The following GABRB3 variants were observed in gnomAD, a reference collection of about 807,000 sequenced individuals.
The protein encoded by GABRB3 is gamma-aminobutyric acid receptor subunit beta-3.
In GABRB3, 14 loss-of-function variants were observed where a neutral mutation model predicts 52.1. The observed-to-expected ratio is 0.27, with a 90% CI of 0.18 to 0.42. GABRB3 has a LOEUF of 0.42. Ranked by LOEUF, GABRB3 falls within the 10% of genes least tolerant of loss-of-function variation. GABRB3 has a pLI of 1.00. For synonymous variants in GABRB3, 260 were observed against 232.3 expected (o/e 1.12, Z -1.08); for missense variants, 307 against 609.1 (o/e 0.50, Z 5.22).
chr15:26,627,515 A>G (rs941995726), intron 3 of GABRB3, among the ~76,000 whole-genome samples: 1 of 151,778 alleles, frequency 6.6e-6, no homozygotes, highest in South Asian at 2.1e-4. Flanking sequence ...CATGATTTAT[A>G]GGAGGAGGTC....
At chr15:26,552,191 G>A (rs1416764618) in intron 8 of GABRB3, among the ~76,000 whole-genome samples, 2 of 151,932 alleles carry the variant, frequency 1.3e-5, no homozygotes, top group African/African-American at 4.8e-5. Context: ...ATTTTTAGTA[G>A]AGATGGGGTT....
chr15:26,695,283 C>T (rs552642407), intron 3 of GABRB3, among the ~76,000 whole-genome samples: 2 of 152,010 alleles, frequency 1.3e-5, no homozygotes, highest in Non-Finnish European at 2.9e-5. Context: ...GGAAAAAACA[C>T]GTTGTCTATA....
intron 3 of GABRB3, among the ~76,000 whole-genome samples, chr15:26,710,157 A>G (rs1889247494): frequency 6.6e-6 from 1 of 152,162 alleles, no homozygotes; most frequent in Admixed American, 6.5e-5. Flanking sequence ...GATAGGCCAT[A>G]TTTTGTTTAT....
chr15:26,674,506 G>GA (rs200798361), intron 3 of GABRB3, among the ~76,000 whole-genome samples: 2 of 149,178 alleles, frequency 1.3e-5, no homozygotes, highest in Non-Finnish European at 1.5e-5. Context: ...AAAGGAAAAG[G>GA]AAAAAAAAGA....
intron 7 of GABRB3, 61 bp from the exon 8 acceptor site, chr15:26,561,237 C>G: frequency 6.2e-7 from 1 of 1,606,356 alleles, no homozygotes; most frequent in South Asian, 1.1e-5. Context: ...TCACTTTTCA[C>G]TTTCCTTTTA....
intron 3 of GABRB3, among the ~76,000 whole-genome samples, chr15:26,741,483 A>C (rs868312170): frequency 1.3e-5 from 2 of 152,162 alleles, no homozygotes; most frequent in African/African-American, 2.4e-5. Context: ...AAAGAACTAA[A>C]CACATCACCC....
intron 4 of GABRB3, 148 bp from the exon 5 acceptor site, chr15:26,583,562 T>C (rs961909520): frequency 1.5e-6 from 1 of 655,382 alleles, no homozygotes; most frequent in Non-Finnish European, 2.8e-6. Flanking sequence ...AGAGAGAAAC[T>C]TGAGTAAATA....
intron 3 of GABRB3, among the ~76,000 whole-genome samples, chr15:26,669,851 T>C (rs1276520689): frequency 2.6e-5 from 4 of 152,222 alleles, no homozygotes; most frequent in Non-Finnish European, 4.4e-5. Context: ...ATCCTGATCC[T>C]TTCTCTCTTT....
intron 3 of GABRB3, among the ~76,000 whole-genome samples, chr15:26,718,938 T>C (rs1889571929): frequency 7.0e-6 from 1 of 142,260 alleles, no homozygotes; most frequent in Non-Finnish European, 1.6e-5. Flanking sequence ...TGGGGCCACT[T>C]CACCCTCTGG....
intron 3 of GABRB3, among the ~76,000 whole-genome samples, chr15:26,682,679 A>G (rs954917503): frequency 6.6e-6 from 1 of 152,210 alleles, no homozygotes; most frequent in Non-Finnish European, 1.5e-5. Context: ...CTTTGACATA[A>G]TGATGGATTT....
chr15:26,633,639 T>A (rs1892966600), intron 3 of GABRB3, among the ~76,000 whole-genome samples: 1 of 152,190 alleles, frequency 6.6e-6, no homozygotes, highest in African/African-American at 2.4e-5. Flanking sequence ...ACTGATAAGA[T>A]ACTGTGGCGA....
rs963790767 is a variant in GABRB3, at chr15:26,716,738, G to A, written c.240+55664C>T. 3 of 1,040,660 alleles carry A rather than the reference G, an allele frequency of 2.9e-6. No homozygotes were observed. In the African/African-American group the frequency reaches 5.2e-5, roughly 18 times the overall value. The allele number at this position is 1,040,660 out of a possible 1,614,324, so 64.5% of individuals were successfully genotyped here. ...CTTTCACAGGCCATCCAGCTCACAT[G>A]GCATATATCCAGTAACAGCCCAGCT... On this transcript the variant is annotated intron_variant, in intron 3 of 8. Coordinates refer to ENST00000311550, the MANE Select transcript of GABRB3 (RefSeq NM_000814.6).
chr15:26,741,507 C>G (rs1890206678), intron 3 of GABRB3, among the ~76,000 whole-genome samples: 1 of 152,204 alleles, frequency 6.6e-6, no homozygotes, highest in South Asian at 2.1e-4. Context: ...TTGGTCACTT[C>G]CGGTTTATAT....
At chr15:26,746,582 G>GGTT (rs1555381597) in intron 3 of GABRB3, among the ~76,000 whole-genome samples, 32 of 126,016 alleles carry the variant, frequency 2.5e-4, no homozygotes, top group African/African-American at 7.4e-4. Flanking sequence ...TCCGTTTTTT[G>GGTT]TTTTTTTTTT....
At chr15:26,618,663 A>G (rs1295172314) in intron 4 of GABRB3, among the ~76,000 whole-genome samples, 1 of 152,240 alleles carries the variant, frequency 6.6e-6, no homozygotes, top group Non-Finnish European at 1.5e-5. Flanking sequence ...CAAAATTGAC[A>G]AATGGGATCT....
intron 3 of GABRB3, among the ~76,000 whole-genome samples, chr15:26,639,833 G>A (rs1178150353): frequency 6.6e-6 from 1 of 152,182 alleles, no homozygotes; most frequent in Non-Finnish European, 1.5e-5. Context: ...AATGTAAACA[G>A]ATGTTTCTAA....
intron 3 of GABRB3, among the ~76,000 whole-genome samples, chr15:26,647,881 C>T (rs11636966): frequency 0.31 from 47,127 of 152,102 alleles, 9,690 homozygotes; most frequent in Non-Finnish European, 0.44. Context: ...GGAGGAAAAG[C>T]GGTGGCCCAC....
intron 8 of GABRB3, among the ~76,000 whole-genome samples, chr15:26,558,280 C>T (rs371051270): frequency 2.0e-5 from 3 of 152,186 alleles, no homozygotes; most frequent in African/African-American, 7.2e-5. Context: ...TTCTGACCAA[C>T]TCTATTTATG....
At chr15:26,729,782 T>C (rs1208449833) in intron 3 of GABRB3, among the ~76,000 whole-genome samples, 2 of 152,182 alleles carry the variant, frequency 1.3e-5, no homozygotes, top group East Asian at 3.9e-4. Context: ...CAGCAGGGCC[T>C]TCCCTGCACT....
Sources: allele counts gnomAD v4.1 joint callset (sites outside exome capture counted in the v4.1 genomes callset), GRCh38; gene constraint gnomAD v4.1.1; transcripts MANE v1.5; gene names NCBI Gene and HGNC (gene_info 2026-07-23, HGNC 2026-07-21).